THSD4: variants seen among roughly 807,000 people sequenced by gnomAD.
THSD4 encodes thrombospondin type 1 domain containing 4, also known as thrombospondin type-1 domain-containing protein 4.
THSD4 carries 69 observed loss-of-function variants against 119.0 expected under a neutral mutation model. The observed-to-expected ratio is 0.58, with a 90% CI of 0.48 to 0.71. The LOEUF (loss-of-function observed/expected upper bound fraction) is 0.71, where lower values mean the gene tolerates loss of function less well. THSD4 is among the 30% of genes least tolerant of loss of function. The pLI, the probability that THSD4 is intolerant of heterozygous loss-of-function variation, is 0.00. For synonymous variants in THSD4, 524 were observed against 540.4 expected (o/e 0.97, Z 0.42); for missense variants, 1,393 against 1,391.1 (o/e 1.00, Z -0.02).
chr15:71,693,861 T>C (rs993227950), intron 8 of THSD4, among the ~76,000 whole-genome samples: 1 of 152,122 alleles, frequency 6.6e-6, no homozygotes, highest in African/African-American at 2.4e-5. Flanking sequence ...CCTGCCATGA[T>C]TGTGAGGCTT....
chr15:71,379,413 T>G (rs2046195633), intron 6 of THSD4, among the ~76,000 whole-genome samples: 1 of 151,536 alleles, frequency 6.6e-6, no homozygotes, highest in African/African-American at 2.4e-5. Flanking sequence ...CTCCATTAAG[T>G]TTGTAGTTTA....
intron 6 of THSD4, among the ~76,000 whole-genome samples, chr15:71,354,316 A>C (rs971950613): frequency 8.5e-5 from 13 of 152,162 alleles, no homozygotes; most frequent in African/African-American, 2.9e-4. Context: ...GGAGCTGATA[A>C]AGGAGACTGA....
chr15:71,249,665 T>C (rs2044240655), intron 5 of THSD4, among the ~76,000 whole-genome samples: 1 of 151,816 alleles, frequency 6.6e-6, no homozygotes, highest in Admixed American at 6.6e-5. Context: ...TTTTTCATGG[T>C]TATAAAAAGT....
intron 7 of THSD4, among the ~76,000 whole-genome samples, chr15:71,521,533 T>A (rs1258137020): frequency 6.6e-6 from 1 of 152,206 alleles, no homozygotes; most frequent in African/African-American, 2.4e-5. Context: ...TTTTAATCAC[T>A]TGTCTATGTT....
intron 1 of THSD4, among the ~76,000 whole-genome samples, chr15:71,138,277 C>G (rs1344209797): frequency 2.0e-5 from 3 of 152,140 alleles, no homozygotes; most frequent in African/African-American, 7.2e-5. Context: ...ACCATCAGAT[C>G]TTGTGGGCAC....
intron 5 of THSD4, among the ~76,000 whole-genome samples, chr15:71,252,849 G>A (rs1324812646): frequency 1.3e-5 from 2 of 150,916 alleles, no homozygotes; most frequent in Admixed American, 6.6e-5. Context: ...TTTAATAAAT[G>A]CTCAATAAAA....
At chr15:71,217,110 C>T (rs4408494) in intron 4 of THSD4, among the ~76,000 whole-genome samples, 56,973 of 152,070 alleles carry the variant, frequency 0.37, 10,885 homozygotes, top group South Asian at 0.51. Context: ...AGTCCCTTAT[C>T]TGAAATGCAT....
chr15:71,226,039 C>A (rs1277062428), intron 4 of THSD4, among the ~76,000 whole-genome samples: 2 of 152,020 alleles, frequency 1.3e-5, no homozygotes, highest in African/African-American at 4.8e-5. Context: ...CTATTTCGTG[C>A]CTTGTAGAAA....
At chr15:71,585,764 C>A (rs191461598) in intron 7 of THSD4, among the ~76,000 whole-genome samples, 1 of 151,930 alleles carries the variant, frequency 6.6e-6, no homozygotes, top group African/African-American at 2.4e-5. Flanking sequence ...GCTTTCTTTA[C>A]ACTTGTTTAT....
At chr15:71,767,889 T>C (rs549341909) in intron 16 of THSD4, among the ~76,000 whole-genome samples, 3 of 152,334 alleles carry the variant, frequency 2.0e-5, no homozygotes, top group Admixed American at 1.3e-4. Context: ...AGCCAACTTG[T>C]AGAGGCTCCT....
chr15:71,610,695 A>G (rs529464082), intron 7 of THSD4, among the ~76,000 whole-genome samples: 20 of 152,306 alleles, frequency 1.3e-4, no homozygotes, highest in East Asian at 7.7e-4. Context: ...ATTTACTGCA[A>G]TAGACACATA....
intron 7 of THSD4, among the ~76,000 whole-genome samples, chr15:71,604,993 T>G (rs2050082113): frequency 6.6e-6 from 1 of 152,076 alleles, no homozygotes; most frequent in Non-Finnish European, 1.5e-5. Context: ...AAGACCTTTT[T>G]GGGAAGGCAG....
intron 7 of THSD4, among the ~76,000 whole-genome samples, chr15:71,476,140 G>A (rs1012167794): frequency 1.3e-5 from 2 of 152,158 alleles, no homozygotes; most frequent in African/African-American, 2.4e-5. Flanking sequence ...TTAGCAAAGG[G>A]CCTGATCCAT....
intron 14 of THSD4, among the ~76,000 whole-genome samples, chr15:71,749,526 C>T (rs1164904659): frequency 6.6e-6 from 1 of 152,082 alleles, no homozygotes; most frequent in Non-Finnish European, 1.5e-5. Context: ...TGGTTAGCGG[C>T]CTACCTCTCG....
intron 11 of THSD4, among the ~76,000 whole-genome samples, chr15:71,744,590 TA>T (rs2053299225): frequency 6.6e-6 from 1 of 152,194 alleles, no homozygotes; most frequent in Non-Finnish European, 1.5e-5. Flanking sequence ...GTCAGGCAGG[TA>T]CTTTCATTCC....
chr15:71,390,107 A>G (rs1318413889), intron 6 of THSD4, among the ~76,000 whole-genome samples: 3 of 152,224 alleles, frequency 2.0e-5, no homozygotes, highest in Non-Finnish European at 4.4e-5. Flanking sequence ...TGAAATAATA[A>G]ATCAGAATGA....
At chr15:71,521,925 T>C (rs926893154) in intron 7 of THSD4, among the ~76,000 whole-genome samples, 5 of 152,204 alleles carry the variant, frequency 3.3e-5, no homozygotes, top group Admixed American at 2.0e-4. Context: ...GAAAAATTGG[T>C]GGTGAGGGGC....
rs930479478 is a variant in THSD4 at position 71,311,502 on chromosome 15, A to G, written c.1015+54787A>G. Among the ~76,000 whole-genome samples, 3 of 152,146 alleles carry G rather than the reference A, an allele frequency of 2.0e-5. No homozygotes were observed. In the South Asian group the frequency reaches 6.2e-4, roughly 32 times the overall value. Reference sequence around the variant, plus strand: ...TTCCAAGGCATTTTTTGAACTAATTAGAAGAGTGCTGTGCTCCCTGCCCCT... The same window carrying G: ...TTCCAAGGCATTTTTTGAACTAATTGGAAGAGTGCTGTGCTCCCTGCCCCT... On this transcript the variant is annotated intron_variant, in intron 6 of 17. Coordinates refer to ENST00000261862, the MANE Select transcript of THSD4 (RefSeq NM_024817.3).
chr15:71,285,936 T>A (rs2044712179), intron 6 of THSD4, among the ~76,000 whole-genome samples: 1 of 150,850 alleles, frequency 6.6e-6, no homozygotes, highest in South Asian at 2.1e-4. Context: ...TTAATATCAT[T>A]GCAAGAATTT....
Sources: allele counts gnomAD v4.1 joint callset (sites outside exome capture counted in the v4.1 genomes callset), GRCh38; gene constraint gnomAD v4.1.1; transcripts MANE v1.5; gene names NCBI Gene and HGNC (gene_info 2026-07-23, HGNC 2026-07-21).